Variants in KCNH7 observed in about 807,000 individuals in gnomAD.
KCNH7 encodes voltage-gated inwardly rectifying potassium channel KCNH7.
Under a neutral mutation model 120.8 loss-of-function variants are expected in KCNH7, and 49 were observed. The ratio of observed to expected loss-of-function variants is 0.41; its 90% CI spans 0.32 to 0.51. The LOEUF is 0.51. Among genes scored for constraint, KCNH7 ranks in the 20% least tolerant of loss-of-function variants. The probability of loss-of-function intolerance (pLI) is 0.38; values close to 1 mark genes in which losing one functional copy is unlikely to be tolerated. For missense variants in KCNH7, 1,097 were observed against 1,446.6 expected (o/e 0.76, Z 3.92); for synonymous variants, 547 against 516.1 (o/e 1.06, Z -0.81).
At chr2:162,721,036 C>T (rs1473506407) in intron 2 of KCNH7, among the ~76,000 whole-genome samples, 2 of 152,086 alleles carry the variant, frequency 1.3e-5, no homozygotes, top group South Asian at 2.1e-4. Context: ...TAGATACTAA[C>T]GCTACGACTC....
At chr2:162,454,143 G>A (rs949544517) in intron 6 of KCNH7, among the ~76,000 whole-genome samples, 2 of 152,086 alleles carry the variant, frequency 1.3e-5, no homozygotes, top group South Asian at 2.1e-4. Flanking sequence ...AAGGTGTATC[G>A]AAGAGGTCCA....
At chr2:162,578,499 C>T (rs926586999) in intron 2 of KCNH7, among the ~76,000 whole-genome samples, 1 of 151,990 alleles carries the variant, frequency 6.6e-6, no homozygotes, top group South Asian at 2.1e-4. Context: ...GCTTTGGGCT[C>T]ACTGTTCTAT....
In KCNH7 at chr2:162,668,271, G is replaced by T. The variant is rs954357421; in HGVS notation, c.308-131191C>A. ...ATGGTGGGCTTAAATTTGAACATTT[G>T]CTCACTGTGTAGATAACAAGACATA... is the stretch of plus-strand genomic sequence containing the variant. On this transcript the variant is annotated intron_variant, in intron 2 of 15. Transcript: ENST00000332142. 5.9e-5 allele frequency among the ~76,000 whole-genome samples: 9 copies of T among 152,118 alleles called. No individual in the cohort carries two copies. In the South Asian group the frequency reaches 1.9e-3, roughly 32 times the overall value.
chr2:162,672,227 G>C (rs891789984), intron 2 of KCNH7, among the ~76,000 whole-genome samples: 2 of 151,974 alleles, frequency 1.3e-5, no homozygotes, highest in African/African-American at 4.8e-5. Context: ...ATATCTACAT[G>C]GAATATTTAC....
Position 162,637,131 on chromosome 2 carries a change from C to T in KCNH7, c.308-100051G>A, listed in dbSNP as rs80300387. ...TGTGCCTTCTTGCACCTCTTTTTCT[C>T]ATCTCTGAAAGTTGATAGTGCCATT... On this transcript the variant is annotated intron_variant, in intron 2 of 15. Transcript: ENST00000332142. Among the ~76,000 whole-genome samples, 695 of 152,210 alleles carry T rather than the reference C, an allele frequency of 4.6e-3. 7 individuals are homozygous for T. Among genetic ancestry groups the T allele is most frequent in the African/African-American group, 0.016 (665 of 41,538 alleles).
At chr2:162,758,251 C>G (rs1429316025) in intron 2 of KCNH7, among the ~76,000 whole-genome samples, 1 of 152,000 alleles carries the variant, frequency 6.6e-6, no homozygotes, top group Admixed American at 6.6e-5. Flanking sequence ...GATGAGAGTT[C>G]CCTGAGATCC....
intron 2 of KCNH7, among the ~76,000 whole-genome samples, chr2:162,562,921 A>G (rs1308448511): frequency 2.0e-5 from 3 of 152,220 alleles, no homozygotes; most frequent in Non-Finnish European, 2.9e-5. Context: ...ACAGGAAAGA[A>G]GAATGCTTGC....
At chr2:162,695,467 C>G (rs11676506) in intron 2 of KCNH7, among the ~76,000 whole-genome samples, 24,173 of 152,032 alleles carry the variant, frequency 0.16, 2,264 homozygotes, top group East Asian at 0.46. Flanking sequence ...TTTCTGTGAA[C>G]TCCAAAATGC....
At chr2:162,725,102 CAAA>C (rs1272448264) in intron 2 of KCNH7, among the ~76,000 whole-genome samples, 5 of 152,102 alleles carry the variant, frequency 3.3e-5, no homozygotes, top group African/African-American at 7.2e-5. Context: ...TGTTTAGAAT[CAAA>C]GAAGATTATT....
At chr2:162,607,712 C>T (rs1476360831) in intron 2 of KCNH7, among the ~76,000 whole-genome samples, 3 of 151,922 alleles carry the variant, frequency 2.0e-5, no homozygotes, top group African/African-American at 7.2e-5. Context: ...ATTTCAATAA[C>T]AATTGCATAC....
intron 2 of KCNH7, among the ~76,000 whole-genome samples, chr2:162,725,610 A>T (rs1687484834): frequency 6.6e-6 from 1 of 152,204 alleles, no homozygotes; most frequent in Non-Finnish European, 1.5e-5. Context: ...TTCATGAACA[A>T]GACCATCAAA....
chr2:162,629,215 C>T (rs186583428), intron 2 of KCNH7, among the ~76,000 whole-genome samples: 3 of 152,190 alleles, frequency 2.0e-5, no homozygotes, highest in African/African-American at 7.2e-5. Context: ...AGTAGTTATG[C>T]TTCCATTGGA....
intron 2 of KCNH7, among the ~76,000 whole-genome samples, chr2:162,757,737 T>C (rs137939554): frequency 6.6e-6 from 1 of 152,284 alleles, no homozygotes; most frequent in East Asian, 1.9e-4. Context: ...CTTGGATTTC[T>C]CACAAGACAA....
chr2:162,476,409 CATT>C (rs1184482430), intron 6 of KCNH7, among the ~76,000 whole-genome samples: 6 of 152,202 alleles, frequency 3.9e-5, no homozygotes, highest in African/African-American at 1.2e-4. Flanking sequence ...CAGCAAAACT[CATT>C]ATCCTGAAAC....
intron 6 of KCNH7, among the ~76,000 whole-genome samples, chr2:162,497,645 T>C (rs562252291): frequency 6.6e-6 from 1 of 152,286 alleles, no homozygotes; most frequent in South Asian, 2.1e-4. Flanking sequence ...TGGAATCAAA[T>C]TACCTCAGTT....
chr2:162,427,934 T>C (rs1223850084), intron 8 of KCNH7, among the ~76,000 whole-genome samples: 4 of 151,864 alleles, frequency 2.6e-5, no homozygotes, highest in Non-Finnish European at 5.9e-5. Context: ...TGGAGGCTTA[T>C]CAGTTTGACT....
intron 2 of KCNH7, among the ~76,000 whole-genome samples, chr2:162,685,979 T>A (rs1186376928): frequency 1.3e-5 from 2 of 152,040 alleles, no homozygotes; most frequent in African/African-American, 4.8e-5. Context: ...GAGAAACAGT[T>A]ATTCTCTAAT....
intron 2 of KCNH7, among the ~76,000 whole-genome samples, chr2:162,565,521 GATGGAA>G (rs1693222636): frequency 6.6e-6 from 1 of 151,956 alleles, no homozygotes; most frequent in Admixed American, 6.6e-5. Context: ...GGTAAAATAA[GATGGAA>G]AGAAAAAGTC....
At chr2:162,780,393 G>A (rs939983033) in intron 2 of KCNH7, among the ~76,000 whole-genome samples, 1 of 152,080 alleles carries the variant, frequency 6.6e-6, no homozygotes, top group Non-Finnish European at 1.5e-5. Flanking sequence ...AGCATTTGTA[G>A]GGATTTTTTC....
Sources: gnomAD v4.1 joint callset for allele counts (sites outside exome capture counted in the v4.1 genomes callset) on GRCh38, gnomAD v4.1.1 for gene constraint, MANE v1.5 for transcripts, NCBI Gene and HGNC (gene_info 2026-07-23, HGNC 2026-07-21) for gene names.